The following ERBB4 variants were observed in gnomAD, a reference collection of about 807,000 sequenced individuals.
ERBB4 encodes erb-b2 receptor tyrosine kinase 4, also known as receptor tyrosine-protein kinase erbB-4.
A neutral mutation model predicts 158.0 loss-of-function variants in ERBB4; 42 were observed. The observed-to-expected ratio is 0.27, with a 90% CI of 0.21 to 0.34. ERBB4 has a LOEUF of 0.34. ERBB4 is among the 10% of genes least tolerant of loss of function. ERBB4 has a pLI of 1.00. For synonymous variants in ERBB4, 583 were observed against 558.7 expected (o/e 1.04, Z -0.61); for missense variants, 1,333 against 1,624.1 (o/e 0.82, Z 3.08).
intron 19 of ERBB4, among the ~76,000 whole-genome samples, chr2:211,598,053 G>A (rs2068692641): frequency 1.3e-5 from 2 of 152,066 alleles, no homozygotes; most frequent in Admixed American, 1.3e-4. Flanking sequence ...CATGCTTGGT[G>A]GCCTCTAAGG....
At chr2:212,382,572 T>C (rs1329937916) in intron 1 of ERBB4, among the ~76,000 whole-genome samples, 1 of 150,954 alleles carries the variant, frequency 6.6e-6, no homozygotes, top group Non-Finnish European at 1.5e-5. Flanking sequence ...ATATTTTCCC[T>C]GAATTTCTGA....
intron 16 of ERBB4, among the ~76,000 whole-genome samples, chr2:211,634,001 A>G (rs1464835455): frequency 6.6e-6 from 1 of 152,190 alleles, no homozygotes; most frequent in Non-Finnish European, 1.5e-5. Flanking sequence ...TCTACTAAAA[A>G]TACAAAAATC....
At chr2:212,337,751 CTACT>C (rs1301738250) in intron 1 of ERBB4, among the ~76,000 whole-genome samples, 1 of 152,094 alleles carries the variant, frequency 6.6e-6, no homozygotes, top group East Asian at 1.9e-4. Flanking sequence ...TCCACTCTTG[CTACT>C]TAAAGCCTGA....
At chr2:212,451,868 A>G (rs16848584) in intron 1 of ERBB4, among the ~76,000 whole-genome samples, 10,292 of 152,214 alleles carry the variant, frequency 0.068, 785 homozygotes, top group African/African-American at 0.19. Flanking sequence ...CATATCTACA[A>G]AGCCAGTTAG....
chr2:211,538,204 C>CT (rs941149445), intron 20 of ERBB4, among the ~76,000 whole-genome samples: 6 of 144,966 alleles, frequency 4.1e-5, no homozygotes, highest in Admixed American at 4.0e-4. Flanking sequence ...CCTTCTCCTT[C>CT]TACAGGTATC....
At chr2:211,675,216 C>G (rs371378873) in intron 13 of ERBB4, among the ~76,000 whole-genome samples, 1,468 of 6,662 alleles carry the variant, frequency 0.22, 20 homozygotes, top group South Asian at 0.5. Context: ...GGATAGGGAG[C>G]TTTGTTCCCT....
intron 2 of ERBB4, among the ~76,000 whole-genome samples, chr2:212,019,002 CT>C (rs963920669): frequency 1.3e-5 from 2 of 152,066 alleles, no homozygotes; most frequent in African/African-American, 4.8e-5. Flanking sequence ...CTACTGTCAT[CT>C]TATCTCTGAC....
At chr2:212,002,714 T>C (rs1360402508) in intron 2 of ERBB4, among the ~76,000 whole-genome samples, 1 of 152,096 alleles carries the variant, frequency 6.6e-6, no homozygotes, top group Non-Finnish European at 1.5e-5. Context: ...TGCATTTCCA[T>C]AAAGCAATAT....
chr2:211,580,880 T>TGG (rs2068076434), intron 19 of ERBB4, among the ~76,000 whole-genome samples: 1 of 2,222 alleles, frequency 4.5e-4, no homozygotes, highest in African/African-American at 1.4e-3. Context: ...TATATATATA[T>TGG]ATATATATAT....
At chr2:211,948,728 A>T (rs2080781951) in intron 2 of ERBB4, among the ~76,000 whole-genome samples, 1 of 152,102 alleles carries the variant, frequency 6.6e-6, no homozygotes, top group African/African-American at 2.4e-5. Flanking sequence ...ATTTCATGTT[A>T]TTCTAACTAA....
intron 1 of ERBB4, among the ~76,000 whole-genome samples, chr2:212,206,992 A>G (rs968325125): frequency 7.0e-6 from 1 of 143,230 alleles, no homozygotes; most frequent in Non-Finnish European, 1.6e-5. Flanking sequence ...GTTTCTGAGA[A>G]GTTTCAAAAA....
chr2:212,030,623 T>C (rs1451840778), intron 2 of ERBB4, among the ~76,000 whole-genome samples: 1 of 152,030 alleles, frequency 6.6e-6, no homozygotes, highest in Non-Finnish European at 1.5e-5. Flanking sequence ...GAGTGTGTTA[T>C]CAATCTAATT....
At chr2:211,761,073 T>C (rs1414582934) in intron 4 of ERBB4, among the ~76,000 whole-genome samples, 1 of 151,004 alleles carries the variant, frequency 6.6e-6, no homozygotes, top group Non-Finnish European at 1.5e-5. Flanking sequence ...CGCGTGCCTG[T>C]AATCCTAGCT....
intron 2 of ERBB4, among the ~76,000 whole-genome samples, chr2:212,064,762 G>A (rs564075109): frequency 4.6e-5 from 7 of 152,038 alleles, no homozygotes; most frequent in Admixed American, 1.3e-4. Context: ...AGTACAAAGC[G>A]ATTTGGTAGA....
At chr2:212,408,227 A>T (rs555294459) in intron 1 of ERBB4, among the ~76,000 whole-genome samples, 1 of 151,758 alleles carries the variant, frequency 6.6e-6, no homozygotes, top group African/African-American at 2.4e-5. Flanking sequence ...TCTTTTCTCT[A>T]ATGCTCTCCC....
At chr2:212,462,316 C>A (rs886155006) in intron 1 of ERBB4, among the ~76,000 whole-genome samples, 1 of 152,246 alleles carries the variant, frequency 6.6e-6, no homozygotes, top group African/African-American at 2.4e-5. Flanking sequence ...ATTGAAGAGA[C>A]AACTGGCAGA....
At chr2:212,110,483 T>C (rs1400717144) in intron 2 of ERBB4, among the ~76,000 whole-genome samples, 2 of 152,246 alleles carry the variant, frequency 1.3e-5, no homozygotes, top group Non-Finnish European at 2.9e-5. Context: ...TCCAGCAGCC[T>C]ATTTCACATG....
At chr2:212,200,972 A>T (rs16847873) in intron 1 of ERBB4, among the ~76,000 whole-genome samples, 2,721 of 152,274 alleles carry the variant, frequency 0.018, 87 homozygotes, top group African/African-American at 0.063. Flanking sequence ...TGAGTTTGAA[A>T]GTAGCACTTG....
At chr2:212,271,373 T>A (rs140616799) in intron 1 of ERBB4, among the ~76,000 whole-genome samples, 1,626 of 151,886 alleles carry the variant, frequency 0.011, 19 homozygotes, top group African/African-American at 0.036. Context: ...TATTTTTTCA[T>A]ATGTGGTATT....
Sources: allele counts gnomAD v4.1 joint callset (sites outside exome capture counted in the v4.1 genomes callset), GRCh38; gene constraint gnomAD v4.1.1; transcripts MANE v1.5; gene names NCBI Gene and HGNC (gene_info 2026-07-23, HGNC 2026-07-21).